Variants in BLTP3A observed in about 807,000 individuals in gnomAD.
BLTP3A encodes the protein bridge-like lipid transfer protein family member 3A.
At chr6:34,851,403 C>T in the BLTP3A span, among the ~76,000 whole-genome samples, 1 of 152,130 alleles carries the variant, frequency 6.6e-6, no homozygotes, top group African/African-American at 2.4e-5. Context: ...AGAGGTATTG[C>T]CTTGGTGGTC....
the BLTP3A span, chr6:34,872,183 A>G: frequency 8.7e-6 from 10 of 1,155,650 alleles, no homozygotes; most frequent in African/African-American, 1.1e-4. Context: ...TAGAAAAGAT[A>G]TGGTTATCTT....
At chr6:34,842,125 G>C in the BLTP3A span, among the ~76,000 whole-genome samples, 1 of 152,162 alleles carries the variant, frequency 6.6e-6, no homozygotes, top group South Asian at 2.1e-4. Flanking sequence ...ATTCCATATA[G>C]TTTATTGTTC....
chr6:34,792,974 T>G, the BLTP3A span, among the ~76,000 whole-genome samples: 1 of 152,226 alleles, frequency 6.6e-6, no homozygotes, highest in African/African-American at 2.4e-5. Context: ...TCTTTTGCTT[T>G]TCTTTTCATT....
the BLTP3A span, chr6:34,871,498 C>T: frequency 2.2e-6 from 3 of 1,354,374 alleles, no homozygotes; most frequent in African/African-American, 1.4e-5. Flanking sequence ...CATAAAGCTG[C>T]TTCAAGCTGA....
At chr6:34,801,500 G>A in the BLTP3A span, among the ~76,000 whole-genome samples, 1 of 152,050 alleles carries the variant, frequency 6.6e-6, no homozygotes. Flanking sequence ...TTGTCACAGT[G>A]ACTGAGGGGC....
the BLTP3A span, among the ~76,000 whole-genome samples, chr6:34,853,223 A>C: frequency 6.6e-6 from 1 of 152,186 alleles, no homozygotes; most frequent in Non-Finnish European, 1.5e-5. Flanking sequence ...ATTGCCAAGC[A>C]GGCTGGAGTG....
the BLTP3A span, among the ~76,000 whole-genome samples, chr6:34,817,440 AC>A: frequency 1.1e-4 from 16 of 152,290 alleles, no homozygotes; most frequent in African/African-American, 3.4e-4. Context: ...ATTTTATTTT[AC>A]CCTATTTAGA....
chr6:34,872,419 AC>A, the BLTP3A span: 1 of 1,610,546 alleles, frequency 6.2e-7, no homozygotes, highest in Non-Finnish European at 8.5e-7. Context: ...AGGAAATATA[AC>A]CCCTTCTTTG....
the BLTP3A span, among the ~76,000 whole-genome samples, chr6:34,863,380 C>A: frequency 2.0e-5 from 3 of 152,164 alleles, no homozygotes; most frequent in East Asian, 1.9e-4. Context: ...CTGGGCAGAG[C>A]TATTATTCTT....
the BLTP3A span, among the ~76,000 whole-genome samples, chr6:34,826,638 G>A: frequency 2.0e-5 from 3 of 152,132 alleles, no homozygotes; most frequent in Non-Finnish European, 2.9e-5. Context: ...GATTACAGAC[G>A]TGAGCGACTG....
the BLTP3A span, among the ~76,000 whole-genome samples, chr6:34,855,241 G>A: frequency 7.7e-4 from 117 of 152,268 alleles, no homozygotes; most frequent in African/African-American, 2.6e-3. Flanking sequence ...CTGCCTCTTC[G>A]TGTGTTGTGT....
the BLTP3A span, among the ~76,000 whole-genome samples, chr6:34,848,605 CAA>C: frequency 7.2e-5 from 9 of 125,396 alleles, no homozygotes; most frequent in Non-Finnish European, 8.6e-5. Flanking sequence ...GACTTGGTCT[CAA>C]AAAAAAAAAA....
chr6:34,805,939 C>G, the BLTP3A span, among the ~76,000 whole-genome samples: 1 of 151,892 alleles, frequency 6.6e-6, no homozygotes, highest in Non-Finnish European at 1.5e-5. Flanking sequence ...TCTCTGTCTC[C>G]TTTTTAAGCA....
the BLTP3A span, among the ~76,000 whole-genome samples, chr6:34,826,605 G>A: frequency 2.6e-5 from 4 of 152,212 alleles, no homozygotes; most frequent in East Asian, 1.9e-4. Context: ...TGATCTTTCC[G>A]ACTTGGCCTC....
the BLTP3A span, among the ~76,000 whole-genome samples, chr6:34,807,922 T>C: frequency 6.6e-6 from 1 of 151,958 alleles, no homozygotes; most frequent in Non-Finnish European, 1.5e-5. Context: ...GCACCTGTAA[T>C]CTCAGCTACT....
the BLTP3A span, among the ~76,000 whole-genome samples, chr6:34,846,478 A>G: frequency 6.6e-6 from 1 of 152,056 alleles, no homozygotes; most frequent in Non-Finnish European, 1.5e-5. Flanking sequence ...TTTTTGTTAT[A>G]GAGATCTTTC....
chr6:34,866,455 C>T, the BLTP3A span, among the ~76,000 whole-genome samples: 1 of 151,794 alleles, frequency 6.6e-6, no homozygotes, highest in Non-Finnish European at 1.5e-5. Flanking sequence ...TTCATAAACA[C>T]TACTGCCCAC....
chr6:34,794,304 C>T, the BLTP3A span, among the ~76,000 whole-genome samples: 1 of 151,960 alleles, frequency 6.6e-6, no homozygotes, highest in African/African-American at 2.4e-5. Context: ...TCATGTACCC[C>T]ATAAATATAT....
chr6:34,835,242 A>G, the BLTP3A span: 1 of 1,573,818 alleles, frequency 6.4e-7, no homozygotes, highest in Non-Finnish European at 8.6e-7. Flanking sequence ...GTCACTTTGA[A>G]AGTTGGAATG....
Sources: allele counts gnomAD v4.1 joint callset (sites outside exome capture counted in the v4.1 genomes callset), GRCh38; gene constraint gnomAD v4.1.1; transcripts MANE v1.5; gene names NCBI Gene and HGNC (gene_info 2026-07-23, HGNC 2026-07-21).